The following EPHX1 variants were observed in gnomAD, a reference collection of about 807,000 sequenced individuals.
The protein encoded by EPHX1 is epoxide hydratase.
Under a neutral mutation model 43.2 loss-of-function variants are expected in EPHX1, and 40 were observed. That is an observed-to-expected ratio of 0.93 (90% CI 0.72 to 1.21). The LOEUF is 1.21. Ranked by LOEUF, EPHX1 falls within the 50% of genes most tolerant of loss-of-function variation. The probability of loss-of-function intolerance (pLI) is 0.00; values close to 1 mark genes in which losing one functional copy is unlikely to be tolerated. For missense variants in EPHX1, 550 were observed against 570.4 expected (o/e 0.96, Z 0.36); for synonymous variants, 221 against 226.7 (o/e 0.98, Z 0.22).
Position 225,838,786 on chromosome 1 carries a change from A to G in EPHX1, c.497A>G (p.Asp166Gly). The G allele has an allele frequency of 6.2e-7, 1 of 1,613,940 alleles. No homozygotes were observed. Among genetic ancestry groups the G allele is most frequent in the Non-Finnish European group, 8.5e-7 (1 of 1,179,970 alleles). ...TATAAGATCATCCCACTCCTGACTG[A>G]CCCCAAGAACCATGGCCTGAGCGAT... The part of the protein sequence containing the change: ...EFYKIIPLLT[D>G]PKNHGLSDEH... Residue 166 changes from aspartate to glycine, a missense_variant, in exon 4 of 9, where the codon GAC becomes GGC. Physicochemically the swap from Asp to Gly is moderately conservative, Grantham distance 94. Transcript: ENST00000272167.
At chr1:225,827,784 TGTATG>T (rs1667324547) in intron 1 of EPHX1, among the ~76,000 whole-genome samples, 1 of 152,168 alleles carries the variant, frequency 6.6e-6, no homozygotes, top group Non-Finnish European at 1.5e-5. Context: ...ATGGGCGAAT[TGTATG>T]GTATATGAAT....
At chr1:225,812,165 T>C (rs1420657461) in intron 1 of EPHX1, among the ~76,000 whole-genome samples, 1 of 152,008 alleles carries the variant, frequency 6.6e-6, no homozygotes, top group Non-Finnish European at 1.5e-5. Context: ...AGCTGATGAG[T>C]GACCTACTGG....
intron 2 of EPHX1, among the ~76,000 whole-genome samples, chr1:225,831,508 C>T (rs1480137919): frequency 1.3e-5 from 2 of 151,378 alleles, no homozygotes; most frequent in Non-Finnish European, 2.9e-5. Flanking sequence ...GATCACGCCA[C>T]TGCCCTCCAG....
chr1:225,825,795 G>A (rs565262493), intron 1 of EPHX1, among the ~76,000 whole-genome samples: 1 of 152,338 alleles, frequency 6.6e-6, no homozygotes, highest in East Asian at 1.9e-4. Context: ...GGATCTGCCT[G>A]CCCAGTGAAG....
At chr1:225,832,164 A>G (rs1667641860) in intron 3 of EPHX1, 3 of 611,608 alleles carry the variant, frequency 4.9e-6, no homozygotes, top group East Asian at 5.9e-5. Flanking sequence ...AGGCAGGAAC[A>G]CATACATGCA....
rs904063444 is a variant in EPHX1 at position 225,839,911 on chromosome 1, G to A, written c.805G>A (p.Gly269Arg). 13 of 1,614,084 alleles carry A rather than the reference G, an allele frequency of 8.1e-6. No homozygotes were observed. Among genetic ancestry groups the A allele is most frequent in the East Asian group, 6.7e-5 (3 of 44,898 alleles). The change falls in exon 6 of 9, where the codon GGG becomes AGG. Residue 269 changes from glycine (G) to arginine (R), a missense_variant. Coordinates refer to ENST00000272167, the MANE Select transcript of EPHX1 (RefSeq NM_001136018.4). ...TLTLLLGQRF[G>R]RFLGLTERDV... ...GACCCTCCTCCTGGGACAGCGTTTCGGGAGGTTTCTTGGCCTCACTGAGAG... is the reference window on the plus strand; with the variant it reads ...GACCCTCCTCCTGGGACAGCGTTTCAGGAGGTTTCTTGGCCTCACTGAGAG...
rs868836101 is a variant in EPHX1 at position 225,845,041 on chromosome 1, G to A, written c.1167-105G>A. ...GTCCTTTTCTTTATGGCTCCTTGTG[G>A]GTGGGCCAGCTGATCTCACCCCCAG... On this transcript the variant is annotated intron_variant, in intron 8 of 8. Coordinates refer to ENST00000272167, the MANE Select transcript of EPHX1 (RefSeq NM_001136018.4). 3.3e-6 allele frequency: 4 copies of A among 1,208,084 alleles called. No individual in the cohort carries two copies. The African/African-American group carries it at 4.5e-5, about 14-fold the overall frequency. The allele number at this position is 1,208,084 out of a possible 1,614,324, so 74.8% of individuals were successfully genotyped here.
rs1482159229 is a variant in EPHX1 at position 225,845,196 on chromosome 1, T to C, written c.1217T>C (p.Leu406Ser). ...TTCTCTGCCTTCCCTTTTGAGCTAT[T>C]GCACACGCCTGAAAAGTGGGTGAGG... ...TGFSAFPFEL[L>S]HTPEKWVRFK... The change falls in exon 9 of 9, where the codon TTG becomes TCG. Residue 406 changes from leucine (L) to serine (S), a missense_variant. Physicochemically the swap from Leu to Ser is moderately radical, Grantham distance 145. Transcript: ENST00000272167. The C allele has an allele frequency of 1.9e-5, 30 of 1,614,026 alleles. No homozygotes were observed. The highest frequency in any genetic ancestry group is 2.5e-5 in the Non-Finnish European group (29 of 1,180,032).
At position 225,823,770 on chromosome 1, in the gene EPHX1, CCTT is replaced by C. The variant is rs535890069; in HGVS notation, c.-5-4952_-5-4950del. Reference sequence around the variant, plus strand: ...CGCCTTGGGTTCCTGCGTGAGCAGTCCTTCTCACTCTGGGCGATGTTCGCTTTC... The same window carrying C: ...CGCCTTGGGTTCCTGCGTGAGCAGTCCTCACTCTGGGCGATGTTCGCTTTC... On this transcript the variant is annotated intron_variant, in intron 1 of 8. Transcript: ENST00000272167. 8.1e-3 allele frequency among the ~76,000 whole-genome samples: 1,238 copies of C among 152,192 alleles called. 7 individuals carry two copies. The highest frequency in any genetic ancestry group is 0.014 in the Non-Finnish European group (923 of 67,986).
chr1:225,814,361 C>G (rs563665440), intron 1 of EPHX1, among the ~76,000 whole-genome samples: 42 of 152,340 alleles, frequency 2.8e-4, no homozygotes, highest in African/African-American at 9.4e-4. Context: ...TAGCGAGACC[C>G]TGTCTCAAAT....
intron 8 of EPHX1, among the ~76,000 whole-genome samples, 177 bp downstream of exon 8, chr1:225,844,800 G>A (rs975321979): frequency 1.3e-5 from 2 of 152,156 alleles, no homozygotes; most frequent in Admixed American, 1.3e-4. Flanking sequence ...AGCCCTCATG[G>A]AGGGACCAGG....
In EPHX1 at chr1:225,817,769, A is replaced by G. The variant is rs1666793201; in HGVS notation, c.-6+7600A>G. 6.6e-6 allele frequency among the ~76,000 whole-genome samples: 1 copy of G among 152,206 alleles called. No individual in the cohort carries two copies. The highest frequency in any genetic ancestry group is 2.1e-4 in the South Asian group (1 of 4,826). ...ACTGTCGCAGGGCTGGGTCCACCTC[A>G]TGGCCTTTGTTCTGGAAAAATACTT... is the stretch of plus-strand genomic sequence containing the variant. On this transcript the variant is annotated intron_variant, in intron 1 of 8. Coordinates refer to ENST00000272167, the MANE Select transcript of EPHX1 (RefSeq NM_001136018.4). This position sits in a 1 kb window ranked among gnomAD's most constrained non-coding sequence, Gnocchi z 5.7.
At chr1:225,812,475 T>C (rs1021060489) in intron 1 of EPHX1, among the ~76,000 whole-genome samples, 1 of 152,202 alleles carries the variant, frequency 6.6e-6, no homozygotes, top group Non-Finnish European at 1.5e-5. Flanking sequence ...TCTTGACCAC[T>C]GCAGGAGGTG....
rs955362774 is a variant in EPHX1 at position 225,828,647 on chromosome 1, G to A, written c.-5-78G>A. On this transcript the variant is annotated intron_variant, in intron 1 of 8. Transcript: ENST00000272167. ...GTTGGAGCGCAGCAGGAAAGAGCCT[G>A]CTGGGGATCAGAGTCTCTGGGCTGT... The A allele has an allele frequency of 1.9e-5, 29 of 1,489,360 alleles. No homozygotes were observed. In the Admixed American group the frequency reaches 4.3e-4, roughly 22 times the overall value. The allele number at this position is 1,489,360 out of a possible 1,614,324, so 92.3% of individuals were successfully genotyped here.
At chr1:225,818,152 G>A (rs1666812651) in intron 1 of EPHX1, among the ~76,000 whole-genome samples, 1 of 152,122 alleles carries the variant, frequency 6.6e-6, no homozygotes, top group Admixed American at 6.5e-5. Flanking sequence ...AGGCTAAGTA[G>A]GTTATATTTA....
intron 2 of EPHX1, among the ~76,000 whole-genome samples, chr1:225,830,251 G>C (rs1221805158): frequency 6.6e-6 from 1 of 152,190 alleles, no homozygotes; most frequent in African/African-American, 2.4e-5. Context: ...TTAGGGCCAA[G>C]GCTGAGCCCT....
chr1:225,839,125 GC>G, intron 4 of EPHX1, 91 bp from the exon 5 acceptor site: 1 of 1,594,332 alleles, frequency 6.3e-7, no homozygotes, highest in Non-Finnish European at 8.6e-7. Context: ...CTGGGGGTAG[GC>G]GGGCCTGAGA....
chr1:225,838,930 G>A (rs1668134757), intron 4 of EPHX1, 49 bp downstream of exon 4: 1 of 1,588,186 alleles, frequency 6.3e-7, no homozygotes, highest in South Asian at 1.1e-5. Context: ...CGCCAAGGGT[G>A]GGCCCGGTGT....
intron 5 of EPHX1, 116 bp downstream of exon 5, chr1:225,839,462 A>AGTGT (rs1171465740): frequency 4.2e-5 from 64 of 1,533,998 alleles, no homozygotes; most frequent in Non-Finnish European, 5.5e-5. Context: ...GAGAGGAGGG[A>AGTGT]GTGTGACCTG....
Sources: gnomAD v4.1 joint callset for allele counts (sites outside exome capture counted in the v4.1 genomes callset) on GRCh38, gnomAD v4.1.1 for gene constraint, Gnocchi (gnomAD v3.1) non-coding constraint, MANE v1.5 for transcripts, NCBI Gene and HGNC (gene_info 2026-07-23, HGNC 2026-07-21) for gene names.